Variants in ACAP2 observed in about 807,000 individuals in gnomAD.
ACAP2 encodes the protein arf-GAP with coiled-coil, ANK repeat and PH domain-containing protein 2.
In ACAP2, 39 loss-of-function variants were observed where a neutral mutation model predicts 115.8. The ratio of observed to expected loss-of-function variants is 0.34; its 90% CI spans 0.26 to 0.44. The LOEUF is 0.44. Ranked by LOEUF, ACAP2 falls within the 20% of genes least tolerant of loss-of-function variation. ACAP2 has a pLI of 1.00. For synonymous variants in ACAP2, 289 were observed against 315.8 expected, an observed-to-expected ratio of 0.92 and a Z score of 0.90; for missense variants, 662 against 927.6, an observed-to-expected ratio of 0.71 and a Z score of 3.72.
rs1241498301 is a variant in ACAP2 at position 195,291,807 on chromosome 3, C to T, written c.1962G>A (p.Leu654=). ...PLIQAVLGGS[L]VTCEFLLQNG... ...TCTGTAGGAGGAACTCACACGTCAC[C>T]AAAGAGCCCTTAAAGGAAAAAAGAG... Residue 654 remains leucine, a synonymous_variant, in exon 20 of 23, where the codon TTG becomes TTA. Coordinates refer to ENST00000326793, the MANE Select transcript of ACAP2 (RefSeq NM_012287.6). 6.2e-7 allele frequency: 1 copy of T among 1,610,932 alleles called. No individual in the cohort carries two copies. The highest frequency in any genetic ancestry group is 2.2e-5 in the East Asian group (1 of 44,768).
intron 10 of ACAP2, chr3:195,312,987 G>A (rs1027767064): frequency 6.6e-6 from 1 of 151,994 alleles, no homozygotes; most frequent in Non-Finnish European, 1.5e-5. Context: ...GAAAAAACGG[G>A]GCAGGATTAA....
intron 9 of ACAP2, among the ~76,000 whole-genome samples, chr3:195,323,138 G>A (rs774609716): frequency 1.2e-4 from 18 of 152,054 alleles, no homozygotes; most frequent in Non-Finnish European, 2.2e-4. Flanking sequence ...GGTCAAAGGG[G>A]AATCTAATAG....
rs1413798279 is a variant in ACAP2 at position 195,276,019 on chromosome 3, T to C, written c.*3309A>G. ...AGCTCATGTCCATGATCCAAAGTGA[T>C]ATTATACACAAGTGTTATCTGACAA... On this transcript the variant is annotated 3_prime_UTR_variant, in exon 23 of 23. Coordinates refer to ENST00000326793, the MANE Select transcript of ACAP2 (RefSeq NM_012287.6). 3 of 152,652 alleles carry C rather than the reference T, an allele frequency of 2.0e-5. No homozygotes were observed. Among genetic ancestry groups the C allele is most frequent in the African/African-American group, 7.2e-5 (3 of 41,460 alleles). 9.5% of individuals were successfully genotyped at this position (152,652 alleles called of 1,614,324 possible).
chr3:195,345,118 A>G, intron 5 of ACAP2, 141 bp downstream of exon 5: 1 of 668,732 alleles, frequency 1.5e-6, no homozygotes, highest in South Asian at 1.7e-5. Context: ...TTAGGAAGAA[A>G]TGCAGCATGC....
At chr3:195,437,586 C>T (rs1715639296) in intron 1 of ACAP2, among the ~76,000 whole-genome samples, 1 of 152,018 alleles carries the variant, frequency 6.6e-6, no homozygotes, top group African/African-American at 2.4e-5. Context: ...GAGGCCGAAG[C>T]TGGTGGATCA....
chr3:195,402,199 G>A (rs1167189533), intron 1 of ACAP2, among the ~76,000 whole-genome samples: 1 of 152,136 alleles, frequency 6.6e-6, no homozygotes, highest in Non-Finnish European at 1.5e-5. Flanking sequence ...GTAAACATTT[G>A]TTGAATGGGT....
At position 195,342,473 on chromosome 3, in the gene ACAP2, G is replaced by C. The variant is rs1168157238; in HGVS notation, c.526C>G (p.Gln176Glu). The C allele has an allele frequency of 1.3e-6, 2 of 1,598,372 alleles. No individual in the cohort carries two copies. Among genetic ancestry groups the C allele is most frequent in the African/African-American group, 2.7e-5 (2 of 73,576 alleles). Residue 176 changes from glutamine to glutamate, a missense_variant and splice_region_variant, in exon 6 of 23, where the codon CAG becomes GAG. Gln to Glu is a conservative substitution (Grantham distance 29). Coordinates refer to ENST00000326793, the MANE Select transcript of ACAP2 (RefSeq NM_012287.6). Reference sequence around the variant, plus strand: ...ATACACAGTAAGAAACTATATACCTGAAGCACATAATCGAGGGCTATGTGT... The same window carrying C: ...ATACACAGTAAGAAACTATATACCTCAAGCACATAATCGAGGGCTATGTGT... The part of the protein sequence containing the change: ...FRHIALDYVL[Q>E]INVLQSKRRS...
chr3:195,347,925 T>C (rs975364309), intron 4 of ACAP2, among the ~76,000 whole-genome samples: 1 of 151,936 alleles, frequency 6.6e-6, no homozygotes, highest in Non-Finnish European at 1.5e-5. Context: ...GGCAAGAGAA[T>C]CACTTGAGCC....
chr3:195,292,250 T>C lies in ACAP2; in HGVS notation c.1953+15A>G, dbSNP rs1727306999. The C allele has an allele frequency of 1.9e-6, 3 of 1,543,262 alleles. No individual in the cohort carries two copies. The highest frequency in any genetic ancestry group is 2.6e-6 in the Non-Finnish European group (3 of 1,151,100). On this transcript the variant is annotated intron_variant, in intron 19 of 22. Transcript: ENST00000326793. ...ATTTGATTGCTACTGAAAATGTCAT[T>C]GTATAAACGCATACCCCTAATACAG...
chr3:195,342,748 C>T, intron 5 of ACAP2, 94 bp from the exon 6 acceptor site: 3 of 983,032 alleles, frequency 3.1e-6, no homozygotes, highest in Non-Finnish European at 4.4e-6. Flanking sequence ...GTAATCCCAG[C>T]ACTTTGGGAG....
At chr3:195,311,221 C>T (rs922989293) in intron 10 of ACAP2, among the ~76,000 whole-genome samples, 3 of 151,664 alleles carry the variant, frequency 2.0e-5, no homozygotes, top group African/African-American at 4.8e-5. Flanking sequence ...CTTAACCTCC[C>T]AAGTGGCTGG....
chr3:195,350,871 A>G (rs1192373047), intron 4 of ACAP2, among the ~76,000 whole-genome samples: 1 of 152,086 alleles, frequency 6.6e-6, no homozygotes, highest in East Asian at 1.9e-4. Flanking sequence ...ATTTAACTTG[A>G]AATAGATCAT....
intron 2 of ACAP2, among the ~76,000 whole-genome samples, chr3:195,385,246 C>CA (rs112932639): frequency 0.23 from 27,221 of 118,438 alleles, 2,804 homozygotes; most frequent in Admixed American, 0.37. Flanking sequence ...TCTCTGTATT[C>CA]AAAAAAAAAA....
chr3:195,374,899 T>C (rs1450387347), intron 4 of ACAP2, among the ~76,000 whole-genome samples: 1 of 151,944 alleles, frequency 6.6e-6, no homozygotes, highest in Non-Finnish European at 1.5e-5. Context: ...CCTTATTTTT[T>C]AAAACATCTG....
At position 195,381,077 on chromosome 3, in the gene ACAP2, GC is replaced by G; in HGVS notation, c.232-16del. ...GTCAAACTTGTCTATGAGAAAAAAA[GC>G]AAAAGAAAACCAAATCATTTATGAG... is the stretch of plus-strand genomic sequence containing the variant. On this transcript the variant is annotated splice_polypyrimidine_tract_variant and intron_variant, in intron 3 of 22. Transcript: ENST00000326793. 6.3e-7 allele frequency: 1 copy of G among 1,586,102 alleles called. No homozygotes were observed. Among genetic ancestry groups the G allele is most frequent in the Non-Finnish European group, 8.5e-7 (1 of 1,172,762 alleles).
chr3:195,377,136 A>ATTTTTTTTTTTTT (rs1478091442), intron 4 of ACAP2, among the ~76,000 whole-genome samples: 38 of 89,720 alleles, frequency 4.2e-4, no homozygotes, highest in East Asian at 2.5e-3. Context: ...AGGAATGTAA[A>ATTTTTTTTTTTTT]TCTTTTTTTT....
At chr3:195,341,320 G>A (rs28549101) in intron 6 of ACAP2, among the ~76,000 whole-genome samples, 36,222 of 115,220 alleles carry the variant, frequency 0.31, 5,855 homozygotes, top group East Asian at 0.74. Context: ...TTATTGTGTG[G>A]GTTTTTTTTT....
At chr3:195,379,039 T>C (rs924619098) in intron 4 of ACAP2, among the ~76,000 whole-genome samples, 6 of 152,208 alleles carry the variant, frequency 3.9e-5, no homozygotes, top group Admixed American at 3.9e-4. Flanking sequence ...TAGTCTATTA[T>C]GTCAATTTAC....
intron 1 of ACAP2, among the ~76,000 whole-genome samples, chr3:195,441,230 T>A (rs1445139322): frequency 1.3e-5 from 2 of 151,992 alleles, no homozygotes; most frequent in Non-Finnish European, 2.9e-5. Flanking sequence ...AATAGCTGAG[T>A]CATAGTAACA....
Sources: gnomAD v4.1 joint callset for allele counts (sites outside exome capture counted in the v4.1 genomes callset) on GRCh38, gnomAD v4.1.1 for gene constraint, MANE v1.5 for transcripts, NCBI Gene and HGNC (gene_info 2026-07-23, HGNC 2026-07-21) for gene names.